Variants in CMIP observed in about 807,000 individuals in gnomAD.
The protein encoded by CMIP is C-Maf-inducing protein.
Under a neutral mutation model 97.3 loss-of-function variants are expected in CMIP, and 13 were observed. The ratio of observed to expected loss-of-function variants is 0.13; its 90% CI spans 0.09 to 0.21. The LOEUF (loss-of-function observed/expected upper bound fraction) is 0.21. Ranked by LOEUF, CMIP falls within the 10% of genes least tolerant of loss-of-function variation. CMIP has a pLI of 1.00. For synonymous variants in CMIP, 538 were observed against 436.3 expected (o/e 1.23, Z -2.91); for missense variants, 847 against 1,024.9 (o/e 0.83, Z 2.37).
intron 1 of CMIP, among the ~76,000 whole-genome samples, chr16:81,524,281 G>A (rs886492659): frequency 6.6e-6 from 1 of 152,218 alleles, no homozygotes; most frequent in Non-Finnish European, 1.5e-5. Context: ...TGGGCTCTGG[G>A]GGTAACATGG....
intron 10 of CMIP, among the ~76,000 whole-genome samples, chr16:81,683,266 G>A (rs552355988): frequency 3.3e-5 from 5 of 152,322 alleles, no homozygotes; most frequent in Admixed American, 1.3e-4. Context: ...GGTAGGACGC[G>A]CTTCTGATTG....
At chr16:81,664,599 G>C (rs1270820395) in intron 7 of CMIP, 1 of 586,422 alleles carries the variant, frequency 1.7e-6, no homozygotes, top group East Asian at 2.8e-5. Flanking sequence ...GAGGAGAAGA[G>C]GAAAGCCTCC....
chr16:81,691,047 T>G (rs960450098), intron 10 of CMIP, among the ~76,000 whole-genome samples: 3 of 152,240 alleles, frequency 2.0e-5, no homozygotes, highest in African/African-American at 7.2e-5. Flanking sequence ...CTATAGAATT[T>G]TCCCTCAGTT....
intron 5 of CMIP, among the ~76,000 whole-genome samples, chr16:81,658,819 G>A (rs1381858118): frequency 6.6e-6 from 1 of 152,232 alleles, no homozygotes; most frequent in Non-Finnish European, 1.5e-5. Context: ...CTGGCTGCAA[G>A]GTACAGAACA....
At chr16:81,529,098 C>T (rs748369372) in intron 1 of CMIP, among the ~76,000 whole-genome samples, 6 of 152,124 alleles carry the variant, frequency 3.9e-5, no homozygotes, top group Non-Finnish European at 7.3e-5. Context: ...AAGTATTCCC[C>T]CATACTGTGA....
intron 3 of CMIP, among the ~76,000 whole-genome samples, chr16:81,650,703 T>G (rs1164079731): frequency 6.6e-6 from 1 of 152,194 alleles, no homozygotes; most frequent in Non-Finnish European, 1.5e-5. Context: ...TTGGCTGATT[T>G]ATCTGGACTT....
At chr16:81,600,837 T>C (rs2091645396) in intron 1 of CMIP, among the ~76,000 whole-genome samples, 1 of 152,232 alleles carries the variant, frequency 6.6e-6, no homozygotes, top group Admixed American at 6.5e-5. Flanking sequence ...CCACTGCGTA[T>C]GACACTGTGA....
At chr16:81,634,630 C>A (rs1331355458) in intron 3 of CMIP, among the ~76,000 whole-genome samples, 1 of 152,164 alleles carries the variant, frequency 6.6e-6, no homozygotes, top group Non-Finnish European at 1.5e-5. Flanking sequence ...CCAGGGAGGG[C>A]AGGAGTGCGC....
At chr16:81,447,081 A>G (rs934301832) in intron 1 of CMIP, among the ~76,000 whole-genome samples, 5 of 152,216 alleles carry the variant, frequency 3.3e-5, no homozygotes, top group South Asian at 2.1e-4. Context: ...TGGCTTTCCA[A>G]TGGATGGAGG....
intron 1 of CMIP, among the ~76,000 whole-genome samples, chr16:81,573,369 T>A (rs2091131440): frequency 2.0e-5 from 3 of 150,372 alleles, no homozygotes. Flanking sequence ...AAAAAAGGCA[T>A]GTTTTCCCTA....
chr16:81,488,248 T>C (rs2089350705), intron 1 of CMIP, among the ~76,000 whole-genome samples: 1 of 152,102 alleles, frequency 6.6e-6, no homozygotes, highest in Non-Finnish European at 1.5e-5. Context: ...AGGGCTCATA[T>C]TCCAGAGCCA....
At position 81,601,136 on chromosome 16, in the gene CMIP, T is replaced by C. The variant is rs577847398; in HGVS notation, c.301-6431T>C. The stretch of plus-strand genomic sequence containing the variant: ...TGCCCCATGACAAACAGCTGCTGTT[T>C]TCAACCCCATCCCCGACTGGGCAAG... On this transcript the variant is annotated intron_variant, in intron 1 of 20. Coordinates refer to ENST00000537098, the MANE Select transcript of CMIP (RefSeq NM_198390.3). Among the ~76,000 whole-genome samples, 100 of 152,298 alleles carry C rather than the reference T, an allele frequency of 6.6e-4. 2 individuals carry two copies. The South Asian group carries it at 0.019, about 30-fold the overall frequency.
intron 1 of CMIP, among the ~76,000 whole-genome samples, chr16:81,570,783 C>T (rs534998953): frequency 6.6e-6 from 1 of 152,162 alleles, no homozygotes; most frequent in Admixed American, 6.5e-5. Flanking sequence ...GTTCCCAATC[C>T]AAGCCTTTGG....
intron 1 of CMIP, among the ~76,000 whole-genome samples, chr16:81,604,851 G>T (rs964919677): frequency 6.6e-6 from 1 of 152,218 alleles, no homozygotes; most frequent in Non-Finnish European, 1.5e-5. Context: ...CCAGTGTGTT[G>T]TGGGTGGTGC....
chr16:81,504,661 A>AG (rs2089674269), intron 1 of CMIP, among the ~76,000 whole-genome samples: 1 of 112,690 alleles, frequency 8.9e-6, no homozygotes, highest in East Asian at 3.6e-4. Context: ...AAAAAAAAAA[A>AG]AAAAAGAAAA....
At chr16:81,590,479 C>T (rs2091450366) in intron 1 of CMIP, among the ~76,000 whole-genome samples, 1 of 152,200 alleles carries the variant, frequency 6.6e-6, no homozygotes, top group African/African-American at 2.4e-5. Flanking sequence ...GCCTCGCTTC[C>T]CCAAGTGGAT....
chr16:81,447,706 C>T (rs767475301), intron 1 of CMIP, among the ~76,000 whole-genome samples: 3 of 152,232 alleles, frequency 2.0e-5, no homozygotes, highest in African/African-American at 4.8e-5. Context: ...ATCCCCTTTC[C>T]GCTGCCTTTC....
At chr16:81,479,657 G>T (rs1031398719) in intron 1 of CMIP, among the ~76,000 whole-genome samples, 5 of 151,932 alleles carry the variant, frequency 3.3e-5, no homozygotes, top group African/African-American at 1.2e-4. Context: ...TTGTTGAGGT[G>T]AGATTTACAT....
chr16:81,570,166 G>A (rs8044524), intron 1 of CMIP, among the ~76,000 whole-genome samples: 78,698 of 152,018 alleles, frequency 0.52, 21,272 homozygotes, highest in Non-Finnish European at 0.59. Context: ...AAGGACAGCT[G>A]TAGTTTTTTT....
Sources: allele counts gnomAD v4.1 joint callset (sites outside exome capture counted in the v4.1 genomes callset), GRCh38; gene constraint gnomAD v4.1.1; transcripts MANE v1.5; gene names NCBI Gene and HGNC (gene_info 2026-07-23, HGNC 2026-07-21).